PVT1: variants seen among roughly 807,000 people sequenced by gnomAD.
PVT1 encodes the protein CXCR4/PVT1 fusion.
intron 4 of PVT1, among the ~76,000 whole-genome samples, chr8:127,993,988 A>G (rs970953976): frequency 1.3e-5 from 2 of 152,152 alleles, no homozygotes; most frequent in African/African-American, 4.8e-5. Context: ...GGCTTGGAGC[A>G]ATTGCATTGC....
rs77632165 is a variant in PVT1, at chr8:127,863,703, T to C, written n.373-26886T>C. On this transcript the variant is annotated intron_variant and non_coding_transcript_variant, in intron 2 of 10. Coordinates refer to ENST00000651587, the Ensembl canonical transcript of PVT1. ...TGTCTCTTTTATCATTTGGTATGTG[T>C]TGCTGCAGCACTTAGCACAGTGCTT... Among the ~76,000 whole-genome samples the C allele has an allele frequency of 3.8e-3, 574 of 152,350 alleles. 6 individuals carry two copies. The highest frequency in any genetic ancestry group is 0.013 in the African/African-American group (550 of 41,586).
intron 3 of PVT1, chr8:127,932,733 T>A (rs1442889217): frequency 2.8e-6 from 1 of 356,562 alleles, no homozygotes; most frequent in Non-Finnish European, 4.8e-6. Context: ...ATAATACACA[T>A]TTCTTATTTT....
intron 4 of PVT1, among the ~76,000 whole-genome samples, chr8:128,037,092 C>T (rs1340673494): frequency 6.6e-6 from 1 of 152,058 alleles, no homozygotes; most frequent in African/African-American, 2.4e-5. Context: ...CAGAGGTCCA[C>T]AGATGGAAGC....
chr8:128,026,580 C>G (rs1282021777), intron 4 of PVT1, among the ~76,000 whole-genome samples: 1 of 152,144 alleles, frequency 6.6e-6, no homozygotes, highest in Non-Finnish European at 1.5e-5. Flanking sequence ...ACCTGTCTCT[C>G]TGCATGCCAC....
At chr8:127,876,030 C>T (rs1043356705) in intron 2 of PVT1, among the ~76,000 whole-genome samples, 1 of 152,166 alleles carries the variant, frequency 6.6e-6, no homozygotes, top group Non-Finnish European at 1.5e-5. Flanking sequence ...CACCCTCCAC[C>T]CCCCCTCACC....
intron 2 of PVT1, among the ~76,000 whole-genome samples, chr8:127,856,342 C>T (rs773623099): frequency 4.6e-5 from 7 of 151,560 alleles, no homozygotes; most frequent in South Asian, 2.1e-4. Context: ...GCTGTACATA[C>T]GTATATATTT....
At chr8:127,887,368 T>A (rs1815534968) in intron 2 of PVT1, among the ~76,000 whole-genome samples, 1 of 152,188 alleles carries the variant, frequency 6.6e-6, no homozygotes, top group South Asian at 2.1e-4. Context: ...CTTTTGGTCA[T>A]CAGGTGCCTA....
chr8:127,860,549 G>T (rs1465208562), intron 2 of PVT1, among the ~76,000 whole-genome samples: 1 of 152,060 alleles, frequency 6.6e-6, no homozygotes, highest in Non-Finnish European at 1.5e-5. Flanking sequence ...CGGATCACAA[G>T]GTCAGGAGTT....
intron 3 of PVT1, among the ~76,000 whole-genome samples, chr8:127,918,345 G>A (rs1480535842): frequency 1.3e-5 from 2 of 149,944 alleles, no homozygotes; most frequent in African/African-American, 4.9e-5. Flanking sequence ...AGCTTGGTAT[G>A]GCTGGCTAGA....
At chr8:128,039,847 T>C (rs1813510345) in intron 4 of PVT1, among the ~76,000 whole-genome samples, 1 of 152,128 alleles carries the variant, frequency 6.6e-6, no homozygotes, top group Non-Finnish European at 1.5e-5. Flanking sequence ...GCAGAGGAGA[T>C]TGTGAGACAT....
intron 3 of PVT1, among the ~76,000 whole-genome samples, chr8:127,925,496 C>T (rs901057936): frequency 6.6e-5 from 10 of 152,142 alleles, no homozygotes; most frequent in South Asian, 2.1e-4. Context: ...TCAGTGGACA[C>T]GCCATTCAGC....
At chr8:127,934,842 C>T (rs1816253197) in intron 3 of PVT1, among the ~76,000 whole-genome samples, 1 of 152,134 alleles carries the variant, frequency 6.6e-6, no homozygotes, top group Non-Finnish European at 1.5e-5. Flanking sequence ...TTGGTAATTG[C>T]TTAGGCAGCC....
At chr8:127,894,366 A>G (rs963853040) in intron 3 of PVT1, among the ~76,000 whole-genome samples, 27 of 152,344 alleles carry the variant, frequency 1.8e-4, no homozygotes, top group African/African-American at 6.5e-4. Context: ...GGAATGTGCC[A>G]GTTCACCTTC....
chr8:127,817,560 C>CACAT (rs1554588978), intron 2 of PVT1, among the ~76,000 whole-genome samples: 17 of 85,814 alleles, frequency 2.0e-4, no homozygotes, highest in Admixed American at 5.2e-4. Flanking sequence ...CACACACACA[C>CACAT]ATATATATAT....
chr8:127,857,023 C>T (rs1263137554), intron 2 of PVT1, among the ~76,000 whole-genome samples: 1 of 151,674 alleles, frequency 6.6e-6, no homozygotes, highest in African/African-American at 2.4e-5. Flanking sequence ...GTCAGAAGTT[C>T]GAGACCAGCC....
intron 2 of PVT1, among the ~76,000 whole-genome samples, chr8:127,867,847 C>T (rs755421566): frequency 3.3e-5 from 5 of 152,118 alleles, no homozygotes; most frequent in Non-Finnish European, 5.9e-5. Flanking sequence ...CCTCTGCCCC[C>T]TAATAAAATC....
At chr8:127,831,064 GTA>G (rs56709045) in intron 2 of PVT1, among the ~76,000 whole-genome samples, 81,351 of 146,708 alleles carry the variant, frequency 0.55, 22,562 homozygotes, top group South Asian at 0.65. Context: ...GTGTGTGTGT[GTA>G]TATATATATA....
intron 3 of PVT1, among the ~76,000 whole-genome samples, chr8:127,906,067 C>T (rs1412098413): frequency 2.0e-5 from 3 of 152,146 alleles, no homozygotes; most frequent in East Asian, 3.8e-4. Context: ...AACCTCAGAG[C>T]GGTTTGGAGA....
intron 2 of PVT1, among the ~76,000 whole-genome samples, chr8:127,806,710 C>T (rs1701381444): frequency 6.6e-6 from 1 of 152,206 alleles, no homozygotes; most frequent in East Asian, 1.9e-4. Flanking sequence ...TCCTTCTCCA[C>T]CCCCAGCTTT....
Sources: gnomAD v4.1 joint callset for allele counts (sites outside exome capture counted in the v4.1 genomes callset) on GRCh38, gnomAD v4.1.1 for gene constraint, MANE v1.5 for transcripts, NCBI Gene and HGNC (gene_info 2026-07-23, HGNC 2026-07-21) for gene names.